The following FIRRM variants were observed in gnomAD, a reference collection of about 807,000 sequenced individuals.
The protein encoded by FIRRM is FIGNL1 interacting regulator of recombination and mitosis, also known as FIGNL1-interacting regulator of recombination and mitosis.
At chr1:169,842,635 C>A in the FIRRM span, 1 of 1,419,470 alleles carries the variant, frequency 7.0e-7, no homozygotes, top group African/African-American at 1.4e-5. Context: ...TAAAATGTAT[C>A]TAATTCTTTT....
the FIRRM span, among the ~76,000 whole-genome samples, chr1:169,802,035 T>C: frequency 6.6e-6 from 1 of 152,240 alleles, no homozygotes; most frequent in Admixed American, 6.5e-5. Flanking sequence ...TTGCTATTCT[T>C]ATAATGTTTA....
the FIRRM span, among the ~76,000 whole-genome samples, chr1:169,787,748 A>T: frequency 6.6e-6 from 1 of 152,152 alleles, no homozygotes; most frequent in African/African-American, 2.4e-5. Context: ...ACTTTATTCC[A>T]TTTTGCCATG....
the FIRRM span, chr1:169,799,019 A>G: frequency 1.6e-6 from 1 of 638,538 alleles, no homozygotes; most frequent in Non-Finnish European, 2.7e-6. Context: ...GTCCCCACAT[A>G]CCTCGGTAGA....
the FIRRM span, among the ~76,000 whole-genome samples, chr1:169,791,148 A>T: frequency 1.3e-5 from 2 of 152,182 alleles, no homozygotes; most frequent in Non-Finnish European, 2.9e-5. Context: ...TCAGTTCCTA[A>T]CAGGCCACGG....
At chr1:169,827,566 C>T in the FIRRM span, 47 of 839,760 alleles carry the variant, frequency 5.6e-5, no homozygotes, top group Middle Eastern at 1.9e-3. Flanking sequence ...TGAACCCAGA[C>T]GGTGGAGGTT....
chr1:169,837,770 C>G, the FIRRM span, among the ~76,000 whole-genome samples: 5 of 152,002 alleles, frequency 3.3e-5, no homozygotes, highest in African/African-American at 7.3e-5. Context: ...ATAAGAAATG[C>G]CAATTATGTT....
the FIRRM span, chr1:169,849,475 T>C: frequency 1.3e-6 from 2 of 1,542,896 alleles, no homozygotes; most frequent in East Asian, 2.3e-5. Context: ...CTTTTCTCTA[T>C]TATAATAAGG....
the FIRRM span, chr1:169,832,392 C>G: frequency 6.7e-7 from 1 of 1,503,182 alleles, no homozygotes. Flanking sequence ...TCAGTCTCTC[C>G]TCTCTCTCTC....
chr1:169,833,170 A>G, the FIRRM span, among the ~76,000 whole-genome samples: 2 of 152,222 alleles, frequency 1.3e-5, no homozygotes, highest in African/African-American at 4.8e-5. Flanking sequence ...GTCTTTACTT[A>G]CATAAACCTG....
chr1:169,825,198 C>T, the FIRRM span, among the ~76,000 whole-genome samples: 1 of 152,172 alleles, frequency 6.6e-6, no homozygotes, highest in Admixed American at 6.5e-5. Context: ...CTTTGCCTCG[C>T]GCTAGTTTGT....
At chr1:169,796,547 A>G in the FIRRM span, among the ~76,000 whole-genome samples, 11 of 152,178 alleles carry the variant, frequency 7.2e-5, no homozygotes, top group East Asian at 2.1e-3. Flanking sequence ...TCTGATTCCA[A>G]ACTATGTCTT....
chr1:169,819,363 G>T, the FIRRM span, among the ~76,000 whole-genome samples: 2 of 152,190 alleles, frequency 1.3e-5, no homozygotes, highest in Admixed American at 1.3e-4. Context: ...AAGATCTTGA[G>T]TATCCCCCTC....
chr1:169,821,632 ATTCTT>A, the FIRRM span: 2 of 1,364,264 alleles, frequency 1.5e-6, no homozygotes, highest in African/African-American at 1.5e-5. Flanking sequence ...CTAATTTTAT[ATTCTT>A]TTCTTATTTA....
At chr1:169,798,776 A>C in the FIRRM span, 3 of 397,620 alleles carry the variant, frequency 7.5e-6, no homozygotes, top group Non-Finnish European at 1.3e-5. Flanking sequence ...TAAAAGCAAA[A>C]TTAAGCCAGT....
the FIRRM span, among the ~76,000 whole-genome samples, chr1:169,808,445 T>A: frequency 1.3e-5 from 2 of 152,198 alleles, no homozygotes; most frequent in Non-Finnish European, 2.9e-5. Context: ...CATTATATTC[T>A]AAAAATTTGT....
At chr1:169,795,097 G>A in the FIRRM span, 4 of 1,535,082 alleles carry the variant, frequency 2.6e-6, no homozygotes, top group Non-Finnish European at 2.6e-6. Flanking sequence ...CCTGTTTGAC[G>A]AAAGTATGTC....
At chr1:169,853,892 T>TACTA in the FIRRM span, 2 of 1,088,298 alleles carry the variant, frequency 1.8e-6, no homozygotes, top group Admixed American at 2.1e-5. Flanking sequence ...CACTACCTCG[T>TACTA]ACTAAGTAAA....
chr1:169,842,560 T>C, the FIRRM span: 3 of 1,603,926 alleles, frequency 1.9e-6, no homozygotes, highest in South Asian at 2.2e-5. Context: ...CAACTGATCC[T>C]TTCCTTATCA....
chr1:169,847,662 A>C, the FIRRM span: 2 of 1,468,158 alleles, frequency 1.4e-6, no homozygotes, highest in Non-Finnish European at 1.9e-6. Flanking sequence ...TATTATTTAT[A>C]ACTGTTCTTT....
Sources: gnomAD v4.1 joint callset for allele counts (sites outside exome capture counted in the v4.1 genomes callset) on GRCh38, gnomAD v4.1.1 for gene constraint, MANE v1.5 for transcripts, NCBI Gene and HGNC (gene_info 2026-07-23, HGNC 2026-07-21) for gene names.